Variants in PTPRD observed in about 807,000 individuals in gnomAD.
The protein encoded by PTPRD is receptor-type tyrosine-protein phosphatase delta.
Under a neutral mutation model 214.5 loss-of-function variants are expected in PTPRD, and 34 were observed. The ratio of observed to expected loss-of-function variants is 0.16; its 90% CI spans 0.12 to 0.21. The LOEUF (loss-of-function observed/expected upper bound fraction) is 0.21. Ranked by LOEUF, PTPRD falls within the 10% of genes least tolerant of loss-of-function variation. The probability of loss-of-function intolerance (pLI) is 1.00; values close to 1 mark genes in which losing one functional copy is unlikely to be tolerated. For missense variants in PTPRD, 2,545 were observed against 2,398.7 expected (o/e 1.06, Z -1.27); for synonymous variants, 1,128 against 845.7 (o/e 1.33, Z -5.79).
chr9:9,261,642 A>T (rs2099980156), intron 9 of PTPRD, among the ~76,000 whole-genome samples: 1 of 112,444 alleles, frequency 8.9e-6, no homozygotes, highest in Non-Finnish European at 1.9e-5. Flanking sequence ...GTGCATGTGC[A>T]TGCACGTGTG....
intron 11 of PTPRD, among the ~76,000 whole-genome samples, chr9:8,836,449 C>T (rs1033349650): frequency 6.6e-6 from 1 of 151,964 alleles, no homozygotes; most frequent in African/African-American, 2.4e-5. Flanking sequence ...GACATCTACT[C>T]GACAACTGAT....
At chr9:10,191,875 GTTTTC>G (rs1192362409) in intron 3 of PTPRD, among the ~76,000 whole-genome samples, 1 of 152,090 alleles carries the variant, frequency 6.6e-6, no homozygotes, top group African/African-American at 2.4e-5. Context: ...CTACTTAGAT[GTTTTC>G]TTTTCATTAG....
chr9:8,958,041 A>G (rs756065093), intron 11 of PTPRD, among the ~76,000 whole-genome samples: 13 of 151,924 alleles, frequency 8.6e-5, no homozygotes, highest in Admixed American at 2.0e-4. Flanking sequence ...TTAAAACGTA[A>G]TGCTAATCAT....
chr9:10,003,600 T>G (rs1225994294), intron 4 of PTPRD, among the ~76,000 whole-genome samples: 1 of 151,728 alleles, frequency 6.6e-6, no homozygotes, highest in Non-Finnish European at 1.5e-5. Flanking sequence ...ATAAATCTTT[T>G]TATAAGAGAT....
At chr9:8,670,443 G>GAGAT in intron 12 of PTPRD, among the ~76,000 whole-genome samples, 1 of 152,206 alleles carries the variant, frequency 6.6e-6, no homozygotes, top group Admixed American at 6.5e-5. Flanking sequence ...ACATGTAAGT[G>GAGAT]AGATCATGCA....
chr9:10,427,754 C>G (rs1172364143), intron 2 of PTPRD, among the ~76,000 whole-genome samples: 7 of 152,106 alleles, frequency 4.6e-5, no homozygotes, highest in African/African-American at 1.7e-4. Context: ...ACAGAAAAAT[C>G]AACCCACTGG....
intron 7 of PTPRD, among the ~76,000 whole-genome samples, chr9:9,692,567 T>G (rs577686997): frequency 5.9e-5 from 9 of 152,084 alleles, no homozygotes; most frequent in Non-Finnish European, 8.8e-5. Context: ...ATGTGATTTC[T>G]TCAGTTTTGT....
chr9:8,563,064 A>G (rs2154213172), intron 14 of PTPRD, among the ~76,000 whole-genome samples: 1 of 152,334 alleles, frequency 6.6e-6, no homozygotes. Flanking sequence ...AATAATAATA[A>G]ACTACTGATA....
intron 11 of PTPRD, among the ~76,000 whole-genome samples, chr9:8,833,310 G>C (rs188373075): frequency 1.7e-4 from 26 of 152,158 alleles, no homozygotes; most frequent in African/African-American, 5.5e-4. Context: ...AACATCTTCA[G>C]GATGTTTGAG....
At position 8,485,419 on chromosome 9, in the gene PTPRD, G is replaced by C. The variant is rs941035026; in HGVS notation, c.3056-95C>G. On this transcript the variant is annotated intron_variant, in intron 28 of 45. Coordinates refer to ENST00000381196, the MANE Select transcript of PTPRD (RefSeq NM_002839.4). ...ACCATAGGGGCTTATGCTAGATGCT[G>C]TCTACTTTGATCAGAGAGAGAAGTA... 24 of 820,482 alleles carry C rather than the reference G, an allele frequency of 2.9e-5. No homozygotes were observed. The East Asian group carries it at 3.9e-4, about 13-fold the overall frequency. 50.8% of individuals were successfully genotyped at this position (820,482 alleles called of 1,614,324 possible).
chr9:8,865,160 A>G (rs1297595495), intron 11 of PTPRD, among the ~76,000 whole-genome samples: 5 of 130,968 alleles, frequency 3.8e-5, no homozygotes, highest in Non-Finnish European at 3.4e-5. Context: ...TCTTTCTTTA[A>G]TCATAATACA....
intron 14 of PTPRD, among the ~76,000 whole-genome samples, chr9:8,601,480 G>A (rs1339546856): frequency 6.6e-6 from 1 of 152,150 alleles, no homozygotes; most frequent in Non-Finnish European, 1.5e-5. Context: ...TAGTCCCAGT[G>A]GTGATGGCCA....
chr9:9,673,480 C>T (rs1237369311), intron 7 of PTPRD, among the ~76,000 whole-genome samples: 1 of 151,474 alleles, frequency 6.6e-6, no homozygotes, highest in Non-Finnish European at 1.5e-5. Flanking sequence ...TAGATTAATC[C>T]CACTGTAGAC....
At chr9:10,030,729 CA>C (rs142654456) in intron 4 of PTPRD, among the ~76,000 whole-genome samples, 4,331 of 152,230 alleles carry the variant, frequency 0.028, 121 homozygotes, top group Admixed American at 0.088. Flanking sequence ...TGGTTTTGAT[CA>C]ATGGTATCCT....
chr9:8,720,108 C>T (rs1267396935), intron 12 of PTPRD, among the ~76,000 whole-genome samples: 1 of 152,182 alleles, frequency 6.6e-6, no homozygotes, highest in Non-Finnish European at 1.5e-5. Flanking sequence ...TTTTAAACTC[C>T]ACCTCCCATG....
intron 9 of PTPRD, among the ~76,000 whole-genome samples, chr9:9,202,145 G>A (rs572407299): frequency 3.9e-5 from 6 of 152,258 alleles, no homozygotes; most frequent in African/African-American, 9.6e-5. Context: ...TGACTGAGTC[G>A]AGTCCAGTGT....
At chr9:8,696,536 G>C (rs1048408718) in intron 12 of PTPRD, among the ~76,000 whole-genome samples, 1 of 152,150 alleles carries the variant, frequency 6.6e-6, no homozygotes, top group Non-Finnish European at 1.5e-5. Context: ...AAGTAGAGGA[G>C]AGAGGTCCAT....
chr9:9,137,448 G>A (rs184840076), intron 10 of PTPRD, among the ~76,000 whole-genome samples: 2 of 152,022 alleles, frequency 1.3e-5, no homozygotes, highest in African/African-American at 4.8e-5. Flanking sequence ...GCTTTATTTT[G>A]TCCTCAGTTT....
At chr9:10,443,845 T>TCACACACACACACACACACACA (rs141638837) in intron 2 of PTPRD, among the ~76,000 whole-genome samples, 97 of 148,722 alleles carry the variant, frequency 6.5e-4, no homozygotes, top group East Asian at 3.1e-3. Flanking sequence ...TACCTCAAAT[T>TCACACACACACACACACACACA]CACACACACA....
Sources: allele counts gnomAD v4.1 joint callset (sites outside exome capture counted in the v4.1 genomes callset), GRCh38; gene constraint gnomAD v4.1.1; transcripts MANE v1.5; gene names NCBI Gene and HGNC (gene_info 2026-07-23, HGNC 2026-07-21).